The following SLC2A3 variants were observed in gnomAD, a reference collection of about 807,000 sequenced individuals.
The protein encoded by SLC2A3 is solute carrier family 2, facilitated glucose transporter member 3.
In SLC2A3, 21 loss-of-function variants were observed where a neutral mutation model predicts 46.4. The observed-to-expected ratio is 0.45, with a 90% CI of 0.32 to 0.65. SLC2A3 has a LOEUF of 0.65. Among genes scored for constraint, SLC2A3 ranks in the 30% least tolerant of loss-of-function variants. The pLI, the probability that SLC2A3 is intolerant of heterozygous loss-of-function variation, is 0.04. For synonymous variants in SLC2A3, 213 were observed against 239.4 expected, an observed-to-expected ratio of 0.89 and a Z score of 1.02; for missense variants, 499 against 623.3, an observed-to-expected ratio of 0.80 and a Z score of 2.12.
chr12:7,923,915 T>G (rs1946067382), intron 8 of SLC2A3, among the ~76,000 whole-genome samples: 1 of 151,882 alleles, frequency 6.6e-6, no homozygotes, highest in Non-Finnish European at 1.5e-5. Context: ...ATTAGAGGCA[T>G]GCACCACCAC....
At chr12:7,923,874 T>G (rs776416421) in intron 8 of SLC2A3, among the ~76,000 whole-genome samples, 18 of 151,370 alleles carry the variant, frequency 1.2e-4, no homozygotes, top group African/African-American at 4.4e-4. Flanking sequence ...GTTCAAGCAA[T>G]TCTCCTGCCT....
rs763776448 is a variant in SLC2A3 at position 7,933,919 on chromosome 12, C to G, written c.16-17G>C. The G allele has an allele frequency of 5.6e-6, 9 of 1,608,270 alleles. 1 individual carries two copies. Among genetic ancestry groups the G allele is most frequent in the African/African-American group, 1.3e-5 (1 of 74,736 alleles). The stretch of plus-strand genomic sequence containing the variant: ...TGGGGTGACCTGGAGGGAGGGAAGA[C>G]AGAGGAGAGAATAGTCCTTAAAACT... On this transcript the variant is annotated splice_polypyrimidine_tract_variant and intron_variant, in intron 1 of 9. Transcript: ENST00000075120.
rs1487141061 is a variant in SLC2A3 at position 7,919,765 on chromosome 12, C to T, written c.*1648G>A. 1 of 152,132 alleles carries T rather than the reference C, an allele frequency of 6.6e-6. No individual in the cohort carries two copies. The highest frequency in any genetic ancestry group is 2.4e-5 in the African/African-American group (1 of 41,412). 9.4% of individuals were successfully genotyped at this position (152,132 alleles called of 1,614,324 possible). ...CCAGGAGCAGAGGGAACAGTGAGAA[C>T]TAAGAACCAAAATACTGTCACTGAC... On this transcript the variant is annotated 3_prime_UTR_variant, in exon 10 of 10. Transcript: ENST00000075120.
At position 7,921,395 on chromosome 12, in the gene SLC2A3, G is replaced by A; in HGVS notation, c.*18C>T. On this transcript the variant is annotated 3_prime_UTR_variant, in exon 10 of 10. Transcript: ENST00000075120. ...GGTGGCTTTCCCATGCCGGGAGGGAGGTGGAAGGAGGCACGACTTAGACAT... is the reference window on the plus strand; with the variant it reads ...GGTGGCTTTCCCATGCCGGGAGGGAAGTGGAAGGAGGCACGACTTAGACAT... 6 of 1,614,010 alleles carry A rather than the reference G, an allele frequency of 3.7e-6. No homozygotes were observed. Among genetic ancestry groups the A allele is most frequent in the Non-Finnish European group, 5.1e-6 (6 of 1,179,898 alleles).
At chr12:7,931,030 T>C (rs1157205867) in intron 4 of SLC2A3, among the ~76,000 whole-genome samples, 1 of 152,026 alleles carries the variant, frequency 6.6e-6, no homozygotes, top group Non-Finnish European at 1.5e-5. Flanking sequence ...TCTGCTGACC[T>C]CGTGATCTGC....
At chr12:7,934,614 C>T (rs1174858407) in intron 1 of SLC2A3, among the ~76,000 whole-genome samples, 11 of 152,074 alleles carry the variant, frequency 7.2e-5, no homozygotes, top group African/African-American at 1.9e-4. Context: ...ATAATTCAGC[C>T]GGGCGAGACA....
Position 7,930,641 on chromosome 12 carries a change from A to G in SLC2A3, c.512T>C (p.Ile171Thr). ...GIVVGILVAQIFGLEFILGSE... is the reference protein window; with the variant it reads ...GIVVGILVAQTFGLEFILGSE... ...CCCAAGGATGAATTCCAGACCAAAG[A>G]TCTAGAAACCACACAAAGATAATGC... The change falls in exon 5 of 10, where the codon ATC becomes ACC. Residue 171 changes from isoleucine to threonine, a missense_variant and splice_region_variant. Transcript: ENST00000075120. 1 of 1,612,212 alleles carries G rather than the reference A, an allele frequency of 6.2e-7. No homozygotes were observed. Among genetic ancestry groups the G allele is most frequent in the Non-Finnish European group, 8.5e-7 (1 of 1,179,196 alleles).
Position 7,931,761 on chromosome 12 carries a change from G to T in SLC2A3, c.270-276C>A, listed in dbSNP as rs187423465. Among the ~76,000 whole-genome samples, 135 of 151,998 alleles carry T rather than the reference G, an allele frequency of 8.9e-4. 1 individual carries two copies. The highest frequency in any genetic ancestry group is 2.7e-3 in the African/African-American group (114 of 41,478). ...ATTACACTCCAGCCCGGGTGACAGA[G>T]CAAGACCCTCTTTCTTGGGGGGTAA... On this transcript the variant is annotated intron_variant, in intron 3 of 9. Transcript: ENST00000075120.
chr12:7,932,701 C>G (rs181784262), intron 3 of SLC2A3: 2 of 329,918 alleles, frequency 6.1e-6, no homozygotes, highest in African/African-American at 2.1e-5. Flanking sequence ...TTTCTAGAAA[C>G]CCCATAGTTG....
At chr12:7,929,375 A>C in intron 6 of SLC2A3, 1 of 323,164 alleles carries the variant, frequency 3.1e-6, no homozygotes. Context: ...TCTTTAAACT[A>C]CCATGCTCGC....
rs182283768 is a variant in SLC2A3 at position 7,923,666 on chromosome 12, C to T, written c.1069-642G>A. Among the ~76,000 whole-genome samples, 22 of 151,820 alleles carry T rather than the reference C, an allele frequency of 1.4e-4. No homozygotes were observed. The East Asian group carries it at 3.1e-3, about 21-fold the overall frequency. ...GTAGAGAAAGTTTCTTGCCATGTTG[C>T]GTAGGCTGGTCTTGAACTTCTGGGC... is the stretch of plus-strand genomic sequence containing the variant. On this transcript the variant is annotated intron_variant, in intron 8 of 9. Coordinates refer to ENST00000075120, the MANE Select transcript of SLC2A3 (RefSeq NM_006931.3).
At chr12:7,935,428 G>A (rs1484784774) in intron 1 of SLC2A3, among the ~76,000 whole-genome samples, 1 of 152,018 alleles carries the variant, frequency 6.6e-6, no homozygotes, top group Non-Finnish European at 1.5e-5. Flanking sequence ...CTCCAGCCTG[G>A]GCAACAAGAG....
At chr12:7,926,928 T>C (rs1051525935) in intron 6 of SLC2A3, among the ~76,000 whole-genome samples, 4 of 152,138 alleles carry the variant, frequency 2.6e-5, no homozygotes, top group African/African-American at 9.7e-5. Context: ...ATAACTACCA[T>C]AGTTAAGAGA....
chr12:7,929,178 T>C (rs1946125930), intron 6 of SLC2A3, among the ~76,000 whole-genome samples: 1 of 152,068 alleles, frequency 6.6e-6, no homozygotes, highest in Non-Finnish European at 1.5e-5. Context: ...AGGGGATGAA[T>C]CAGTATTTAA....
intron 5 of SLC2A3, 123 bp downstream of exon 5, chr12:7,930,357 A>T: frequency 1.8e-6 from 2 of 1,089,624 alleles, no homozygotes; most frequent in Non-Finnish European, 2.7e-6. Context: ...AGTAATCAGA[A>T]CCCTCCTCAC....
rs1247579375 is a variant in SLC2A3, at chr12:7,920,884, T to C, written c.*529A>G. ...CAAACCTGCACATTCGGCACATGTA[T>C]CCTGAAACTTAAAGTTAAAAAAAAA... is the stretch of plus-strand genomic sequence containing the variant. On this transcript the variant is annotated 3_prime_UTR_variant, in exon 10 of 10. Coordinates refer to ENST00000075120, the MANE Select transcript of SLC2A3 (RefSeq NM_006931.3). 1.8e-5 allele frequency: 2 copies of C among 111,096 alleles called. No individual in the cohort carries two copies. The highest frequency in any genetic ancestry group is 2.0e-4 in the Admixed American group (2 of 10,250). 6.9% of individuals were successfully genotyped at this position (111,096 alleles called of 1,614,324 possible).
rs1946179857 is a variant in SLC2A3 at position 7,933,462 on chromosome 12, GGAA to G, written c.109-318_109-316del. The G allele has an allele frequency of 1.0e-5, 5 of 480,050 alleles. No individual in the cohort carries two copies. In the Admixed American group the frequency reaches 1.1e-4, roughly 10 times the overall value. 29.7% of individuals were successfully genotyped at this position (480,050 alleles called of 1,614,324 possible). A position where few individuals can be genotyped will look rare whatever the true frequency, so the allele number is the denominator to read the frequency against. On this transcript the variant is annotated intron_variant, in intron 2 of 9. Coordinates refer to ENST00000075120, the MANE Select transcript of SLC2A3 (RefSeq NM_006931.3). Reference sequence around the variant, plus strand: ...ATCACTATGAGGTGAAAGAGTGGGAGGAAGAACAGCACCGCCCAGCGTTCCGGG... The same window carrying G: ...ATCACTATGAGGTGAAAGAGTGGGAGGAACAGCACCGCCCAGCGTTCCGGG...
chr12:7,933,348 A>T (rs770828778), intron 2 of SLC2A3: 7 of 701,800 alleles, frequency 1.0e-5, no homozygotes, highest in Non-Finnish European at 1.6e-5. Flanking sequence ...AGTAGGTGGC[A>T]GCACCGATGT....
Position 7,921,481 on chromosome 12 carries a change from A to C in SLC2A3, c.1423T>G (p.Ser475Ala). The C allele has an allele frequency of 1.2e-6, 2 of 1,613,916 alleles. No individual in the cohort carries two copies. Among genetic ancestry groups the C allele is most frequent in the Non-Finnish European group, 1.7e-6 (2 of 1,179,858 alleles). The change falls in exon 10 of 10, where the codon TCT becomes GCT. Residue 475 changes from serine to alanine, a missense_variant. By Grantham distance (99) the Ser-to-Ala change is moderately conservative. Transcript: ENST00000075120. Reference protein sequence around the residue: ...FEGQAHGADRSGKDGVMEMNS... With the variant: ...FEGQAHGADRAGKDGVMEMNS... ...ATCTCCATGACGCCGTCCTTTCCAGATCTATCTGCACCGTGTGCCTGCCCT... is the reference window on the plus strand; with the variant it reads ...ATCTCCATGACGCCGTCCTTTCCAGCTCTATCTGCACCGTGTGCCTGCCCT...
Sources: gnomAD v4.1 joint callset for allele counts (sites outside exome capture counted in the v4.1 genomes callset) on GRCh38, gnomAD v4.1.1 for gene constraint, MANE v1.5 for transcripts, NCBI Gene and HGNC (gene_info 2026-07-23, HGNC 2026-07-21) for gene names.